Variants in LBH observed in about 807,000 individuals in gnomAD.
LBH encodes the protein LBH regulator of Wnt signaling pathway.
A neutral mutation model predicts 12.5 loss-of-function variants in LBH; 7 were observed. That is an observed-to-expected ratio of 0.56 (90% CI 0.32 to 1.05). The LOEUF is 1.05. Ranked by LOEUF, LBH falls within the 50% of genes least tolerant of loss-of-function variation. LBH has a pLI of 0.04. For missense variants in LBH, 119 were observed against 138.9 expected (o/e 0.86, Z 0.72); for synonymous variants, 51 against 50.1 (o/e 1.02, Z -0.08).
chr2:30,252,978 G>C (rs1678011781), intron 2 of LBH, among the ~76,000 whole-genome samples: 1 of 152,226 alleles, frequency 6.6e-6, no homozygotes. Context: ...AGTACAGAGA[G>C]AAGGAGCACT....
At chr2:30,248,170 G>T (rs371928141) in intron 2 of LBH, among the ~76,000 whole-genome samples, 2 of 152,202 alleles carry the variant, frequency 1.3e-5, no homozygotes, top group African/African-American at 4.8e-5. Context: ...TCAGTTGTTA[G>T]CCTCAATGCT....
chr2:30,232,077 C>G, intron 1 of LBH: 1 of 1,518,240 alleles, frequency 6.6e-7, no homozygotes, highest in South Asian at 1.2e-5. Context: ...CCACCCTATG[C>G]GGAGAGCTGC....
intron 2 of LBH, among the ~76,000 whole-genome samples, chr2:30,239,814 T>C (rs143931068): frequency 1.1e-3 from 172 of 152,308 alleles, no homozygotes; most frequent in African/African-American, 3.6e-3. Context: ...TTGTTCACCT[T>C]GTTCAGAGCA....
chr2:30,252,895 C>T lies in LBH; in HGVS notation c.130-4538C>T, dbSNP rs180864749. Among the ~76,000 whole-genome samples the T allele has an allele frequency of 7.9e-5, 12 of 152,302 alleles. 1 individual carries two copies. Among genetic ancestry groups the T allele is most frequent in the Admixed American group, 7.8e-4 (12 of 15,306 alleles). On this transcript the variant is annotated intron_variant, in intron 2 of 2. Transcript: ENST00000395323. ...TCTTCTAGACCTGCCCTACCCTGGG[C>T]TGAGGGTGAGAAATGCCTCTGAGAG...
chr2:30,236,109 T>C (rs1180342106), intron 2 of LBH, among the ~76,000 whole-genome samples: 1 of 152,220 alleles, frequency 6.6e-6, no homozygotes, highest in East Asian at 1.9e-4. Flanking sequence ...GGTTCTGGGT[T>C]TTAGATTTCC....
intron 1 of LBH, chr2:30,232,110 C>A: frequency 6.5e-7 from 1 of 1,542,450 alleles, no homozygotes; most frequent in Non-Finnish European, 8.7e-7. Flanking sequence ...CCCCACTTGG[C>A]GCAGGGGGGC....
chr2:30,234,319 C>A, intron 1 of LBH, 86 bp from the exon 2 acceptor site: 1 of 1,039,682 alleles, frequency 9.6e-7, no homozygotes, highest in South Asian at 1.3e-5. Context: ...CAGACAGTCC[C>A]CTGATCCCAC....
intron 2 of LBH, among the ~76,000 whole-genome samples, chr2:30,244,566 A>G (rs1387114934): frequency 6.6e-6 from 1 of 152,072 alleles, no homozygotes; most frequent in African/African-American, 2.4e-5. Flanking sequence ...CCCCCTTTAC[A>G]AGAGGAGAAC....
Position 30,231,614 on chromosome 2 carries a change from C to A in LBH, c.-125C>A. 4 of 908,844 alleles carry A rather than the reference C, an allele frequency of 4.4e-6. No individual in the cohort carries two copies. The highest frequency in any genetic ancestry group is 1.4e-5 in the South Asian group (1 of 72,260). The allele number at this position is 908,844 out of a possible 1,614,324, so 56.3% of individuals were successfully genotyped here. On this transcript the variant is annotated 5_prime_UTR_variant, in exon 1 of 3. Coordinates refer to ENST00000395323, the MANE Select transcript of LBH (RefSeq NM_030915.4). The stretch of plus-strand genomic sequence containing the variant: ...CGTGGGGCTGTCCTGGGAAGGCGGA[C>A]GGCGAGCGCCCGGTGTCCGCACTCG...
Position 30,258,731 on chromosome 2 carries a change from C to T in LBH, c.*1110C>T, listed in dbSNP as rs1276593250. Reference sequence around the variant, plus strand: ...GGAGCCTAGTGGAGAGCAGACGTGGCTTTTTATGTGTCTTGTTGGGGAGGT... The same window carrying T: ...GGAGCCTAGTGGAGAGCAGACGTGGTTTTTTATGTGTCTTGTTGGGGAGGT... On this transcript the variant is annotated 3_prime_UTR_variant, in exon 3 of 3. Coordinates refer to ENST00000395323, the MANE Select transcript of LBH (RefSeq NM_030915.4). The T allele has an allele frequency of 6.6e-6, 1 of 152,460 alleles. No individual in the cohort carries two copies. The highest frequency in any genetic ancestry group is 2.4e-5 in the African/African-American group (1 of 41,450). 9.4% of individuals were successfully genotyped at this position (152,460 alleles called of 1,614,324 possible).
Position 30,256,520 on chromosome 2 carries a change from G to GT in LBH, c.130-904dup, listed in dbSNP as rs199915739. The GT allele has an allele frequency of 1.8e-3, 267 of 151,346 alleles. 1 individual carries two copies. The highest frequency in any genetic ancestry group is 4.0e-3 in the African/African-American group (165 of 41,260). The allele number at this position is 151,346 out of a possible 1,614,324, so 9.4% of individuals were successfully genotyped here. ...GGGGAATCGAACATATCCAGTTTTT[G>GT]TTTTTTTTTATTTTCAAGATGGAGT... On this transcript the variant is annotated intron_variant, in intron 2 of 2. Transcript: ENST00000395323.
chr2:30,257,941 T>G lies in LBH; in HGVS notation c.*320T>G, dbSNP rs146575157. ...CATTATCTGAACTCAGGCAGCCTAG[T>G]AGAGGCAGTGGTGGGATTCCAATGG... On this transcript the variant is annotated 3_prime_UTR_variant, in exon 3 of 3. Coordinates refer to ENST00000395323, the MANE Select transcript of LBH (RefSeq NM_030915.4). 1,432 of 211,320 alleles carry G rather than the reference T, an allele frequency of 6.8e-3. 3 individuals are homozygous for G. The highest frequency in any genetic ancestry group is 0.011 in the Non-Finnish European group (1,160 of 105,790). 13.1% of individuals were successfully genotyped at this position (211,320 alleles called of 1,614,324 possible).
At chr2:30,252,173 C>T (rs1459258324) in intron 2 of LBH, among the ~76,000 whole-genome samples, 1 of 152,140 alleles carries the variant, frequency 6.6e-6, no homozygotes, top group Non-Finnish European at 1.5e-5. Flanking sequence ...GGGGCGGTTA[C>T]TCTCATGCCA....
chr2:30,237,070 T>G (rs1201054147), intron 2 of LBH, among the ~76,000 whole-genome samples: 2 of 152,218 alleles, frequency 1.3e-5, no homozygotes, highest in Non-Finnish European at 2.9e-5. Context: ...GGACTGGCAC[T>G]TGGCTGGAGC....
intron 2 of LBH, among the ~76,000 whole-genome samples, chr2:30,254,427 T>C (rs1422077664): frequency 6.6e-6 from 1 of 152,160 alleles, no homozygotes; most frequent in Non-Finnish European, 1.5e-5. Context: ...GTGGATAAGT[T>C]GGGGGGTGGT....
rs1572385892 is a variant in LBH at position 30,257,761 on chromosome 2, A to C, written c.*140A>C. On this transcript the variant is annotated 3_prime_UTR_variant, in exon 3 of 3. Transcript: ENST00000395323. Reference sequence around the variant, plus strand: ...GGCTTCTGTTTTGCACCTGCAGATCACCGAGTTGGTTTTCTTTTCTTTTCT... The same window carrying C: ...GGCTTCTGTTTTGCACCTGCAGATCCCCGAGTTGGTTTTCTTTTCTTTTCT... 1 of 554,002 alleles carries C rather than the reference A, an allele frequency of 1.8e-6. No individual in the cohort carries two copies. The highest frequency in any genetic ancestry group is 3.0e-6 in the Non-Finnish European group (1 of 338,234). 34.3% of individuals were successfully genotyped at this position (554,002 alleles called of 1,614,324 possible). A position where few individuals can be genotyped will look rare whatever the true frequency, so the allele number is the denominator to read the frequency against.
chr2:30,239,894 A>G (rs1677758367), intron 2 of LBH, among the ~76,000 whole-genome samples: 1 of 152,164 alleles, frequency 6.6e-6, no homozygotes, highest in Non-Finnish European at 1.5e-5. Context: ...AATTATTCCC[A>G]TGGGGATTTC....
At chr2:30,244,211 C>T (rs1331513875) in intron 2 of LBH, among the ~76,000 whole-genome samples, 1 of 152,186 alleles carries the variant, frequency 6.6e-6, no homozygotes, top group Admixed American at 6.5e-5. Flanking sequence ...TTAGGATCCT[C>T]TAAAATGGGT....
At chr2:30,238,618 C>A (rs1216271475) in intron 2 of LBH, among the ~76,000 whole-genome samples, 5 of 152,236 alleles carry the variant, frequency 3.3e-5, no homozygotes, top group Admixed American at 3.3e-4. Flanking sequence ...GAGCTTCCTG[C>A]ATCTTCCCCT....
Sources: gnomAD v4.1 joint callset for allele counts (sites outside exome capture counted in the v4.1 genomes callset) on GRCh38, gnomAD v4.1.1 for gene constraint, MANE v1.5 for transcripts, NCBI Gene and HGNC (gene_info 2026-07-23, HGNC 2026-07-21) for gene names.